The following PDE10A variants were observed in gnomAD, a reference collection of about 807,000 sequenced individuals.
PDE10A encodes the protein phosphodiesterase 10A.
A neutral mutation model predicts 97.7 loss-of-function variants in PDE10A; 39 were observed. That is an observed-to-expected ratio of 0.40 (90% CI 0.31 to 0.52). PDE10A has a LOEUF of 0.52. Ranked by LOEUF, PDE10A falls within the 20% of genes least tolerant of loss-of-function variation. PDE10A has a pLI of 0.56. For missense variants in PDE10A, 731 were observed against 1,047.8 expected, an observed-to-expected ratio of 0.70 and a Z score of 4.17; for synonymous variants, 371 against 376.8, an observed-to-expected ratio of 0.98 and a Z score of 0.18.
chr6:165,730,220 T>C (rs1020415519), intron 1 of PDE10A, among the ~76,000 whole-genome samples: 1 of 151,980 alleles, frequency 6.6e-6, no homozygotes, highest in Non-Finnish European at 1.5e-5. Flanking sequence ...TAGGGAGTTC[T>C]GAGACTAAGT....
At chr6:165,697,279 G>T (rs1376975677) in intron 1 of PDE10A, among the ~76,000 whole-genome samples, 2 of 152,088 alleles carry the variant, frequency 1.3e-5, no homozygotes, top group Non-Finnish European at 2.9e-5. Flanking sequence ...GGAGAAAAAT[G>T]ATGCATCAAG....
At chr6:165,908,160 T>C (rs1459311215) in intron 1 of PDE10A, among the ~76,000 whole-genome samples, 1 of 152,080 alleles carries the variant, frequency 6.6e-6, no homozygotes, top group Admixed American at 6.6e-5. Context: ...TTCACAAAAA[T>C]TATTACGAGG....
chr6:165,889,335 A>T (rs578033377), intron 1 of PDE10A, among the ~76,000 whole-genome samples: 11 of 152,334 alleles, frequency 7.2e-5, no homozygotes, highest in Non-Finnish European at 1.5e-4. Context: ...TTACTTCTAC[A>T]AAATGCGCTG....
chr6:165,659,473 A>G, intron 1 of PDE10A, among the ~76,000 whole-genome samples: 1 of 152,236 alleles, frequency 6.6e-6, no homozygotes, highest in East Asian at 1.9e-4. Flanking sequence ...AGACAGAAAC[A>G]AAGACCCAAA....
intron 10 of PDE10A, 30 bp downstream of exon 10, chr6:165,428,628 A>C: frequency 9.8e-7 from 1 of 1,025,418 alleles, no homozygotes; most frequent in Non-Finnish European, 1.5e-6. Flanking sequence ...AGGGTTAAAC[A>C]GAATCATACT....
intron 18 of PDE10A, among the ~76,000 whole-genome samples, chr6:165,370,104 G>A (rs948561211): frequency 1.1e-4 from 17 of 151,908 alleles, no homozygotes; most frequent in African/African-American, 1.2e-4. Flanking sequence ...AGGAACAACC[G>A]GTACAGCCGC....
chr6:165,539,712 G>A (rs1367350661), intron 2 of PDE10A, among the ~76,000 whole-genome samples: 2 of 152,042 alleles, frequency 1.3e-5, no homozygotes, highest in African/African-American at 4.8e-5. Flanking sequence ...CTTGAGGTCA[G>A]GATTGGGAGA....
chr6:165,960,389 T>C (rs1484658359), intron 1 of PDE10A, among the ~76,000 whole-genome samples: 1 of 152,148 alleles, frequency 6.6e-6, no homozygotes, highest in Non-Finnish European at 1.5e-5. Context: ...GATCCGACCC[T>C]CATCCACGGG....
At chr6:165,527,714 A>C (rs545001171) in intron 2 of PDE10A, among the ~76,000 whole-genome samples, 1 of 152,292 alleles carries the variant, frequency 6.6e-6, no homozygotes, top group African/African-American at 2.4e-5. Context: ...TATATACATG[A>C]TCAGGCTCCA....
chr6:165,879,534 C>G (rs925172214), intron 1 of PDE10A, among the ~76,000 whole-genome samples: 1 of 152,192 alleles, frequency 6.6e-6, no homozygotes, highest in Non-Finnish European at 1.5e-5. Context: ...AACTTAATTA[C>G]ATTAGCAAGG....
In PDE10A at chr6:165,982,757, C is replaced by T. The variant is rs150088507; in HGVS notation, c.-615+4772G>A. Among the ~76,000 whole-genome samples the T allele has an allele frequency of 2.2e-4, 32 of 148,510 alleles. No individual in the cohort carries two copies. The East Asian group carries it at 4.6e-3, about 22-fold the overall frequency. ...TATAAGATCAATAAATACAACTATTCGGGGTTTTCATCAAAGAGTCCTCCC... is the reference window on the plus strand; with the variant it reads ...TATAAGATCAATAAATACAACTATTTGGGGTTTTCATCAAAGAGTCCTCCC... On this transcript the variant is annotated intron_variant, in intron 1 of 19. Transcript: ENST00000366882.
intron 1 of PDE10A, among the ~76,000 whole-genome samples, chr6:165,699,954 A>G (rs1422362223): frequency 6.6e-6 from 1 of 152,130 alleles, no homozygotes; most frequent in Non-Finnish European, 1.5e-5. Context: ...AACCTAAATC[A>G]AGCAAAAAGA....
intron 1 of PDE10A, among the ~76,000 whole-genome samples, chr6:165,984,942 A>G (rs1451556451): frequency 2.6e-5 from 4 of 152,166 alleles, no homozygotes; most frequent in Admixed American, 2.6e-4. Flanking sequence ...ACAAAGACTC[A>G]TGTTTTCTGG....
rs375769943 is a variant in PDE10A, at chr6:165,617,347, A to T, written c.865+44600T>A. 3.5e-4 allele frequency among the ~76,000 whole-genome samples: 54 copies of T among 152,292 alleles called. 1 individual carries two copies. The highest frequency in any genetic ancestry group is 8.7e-4 in the African/African-American group (36 of 41,554). On this transcript the variant is annotated intron_variant, in intron 1 of 21. Coordinates refer to ENST00000539869, the MANE Select transcript of PDE10A (RefSeq NM_001385079.1). The stretch of plus-strand genomic sequence containing the variant: ...ACACTCTTAAGTTCAATATGAATTT[A>T]AAAAAATAAAAAATTGAGTTGGAGT...
intron 1 of PDE10A, among the ~76,000 whole-genome samples, chr6:165,555,820 A>C (rs1037565051): frequency 1.3e-5 from 2 of 152,188 alleles, no homozygotes; most frequent in Admixed American, 6.5e-5. Context: ...ATGGGTGCCC[A>C]AGGCTGGATC....
At chr6:165,917,130 G>A (rs556281593) in intron 1 of PDE10A, among the ~76,000 whole-genome samples, 2 of 152,146 alleles carry the variant, frequency 1.3e-5, no homozygotes, top group Non-Finnish European at 2.9e-5. Flanking sequence ...AGGGAGCAGT[G>A]GTTGCCGGCT....
At chr6:165,408,312 G>A (rs924321344) in intron 13 of PDE10A, among the ~76,000 whole-genome samples, 3 of 152,182 alleles carry the variant, frequency 2.0e-5, no homozygotes, top group Non-Finnish European at 4.4e-5. Flanking sequence ...GAACATTCAG[G>A]AAAAGGTAGG....
At chr6:165,840,740 T>C (rs1780237414) in intron 1 of PDE10A, among the ~76,000 whole-genome samples, 1 of 152,222 alleles carries the variant, frequency 6.6e-6, no homozygotes, top group Admixed American at 6.5e-5. Context: ...TTATTTTTTG[T>C]CTACTTTTTA....
intron 1 of PDE10A, among the ~76,000 whole-genome samples, chr6:165,612,934 T>A (rs1295246806): frequency 2.0e-5 from 3 of 152,156 alleles, no homozygotes; most frequent in Non-Finnish European, 4.4e-5. Flanking sequence ...TATTAGTGAG[T>A]CCTTTATTAA....
Sources: allele counts gnomAD v4.1 joint callset (sites outside exome capture counted in the v4.1 genomes callset), GRCh38; gene constraint gnomAD v4.1.1; transcripts MANE v1.5; gene names NCBI Gene and HGNC (gene_info 2026-07-23, HGNC 2026-07-21).